Variants in FLT3 observed in about 807,000 individuals in gnomAD.
FLT3 encodes fms related receptor tyrosine kinase 3.
Under a neutral mutation model 126.6 loss-of-function variants are expected in FLT3, and 46 were observed. The ratio of observed to expected loss-of-function variants is 0.36; its 90% confidence interval spans 0.29 to 0.46. The LOEUF (loss-of-function observed/expected upper bound fraction) is 0.46. Ranked by LOEUF, FLT3 falls within the 20% of genes least tolerant of loss-of-function variation. The probability of loss-of-function intolerance (pLI) is 1.00; values close to 1 mark genes in which losing one functional copy is unlikely to be tolerated. For synonymous variants in FLT3, 404 were observed against 434.4 expected (o/e 0.93, Z 0.87); for missense variants, 1,069 against 1,190.3 (o/e 0.90, Z 1.50).
intron 3 of FLT3, among the ~76,000 whole-genome samples, 194 bp downstream of exon 3, chr13:28,061,673 G>C (rs1876577247): frequency 6.6e-6 from 1 of 151,884 alleles, no homozygotes; most frequent in Admixed American, 6.6e-5. Context: ...GGGAGGACTG[G>C]GGTGGGGGGA....
chr13:28,071,942 T>C (rs750360130), intron 1 of FLT3, among the ~76,000 whole-genome samples: 1 of 151,970 alleles, frequency 6.6e-6, no homozygotes, highest in African/African-American at 2.4e-5. Context: ...TCCCAAGTTG[T>C]TGGATGATAG....
At chr13:28,007,541 C>A (rs920661957) in intron 23 of FLT3, among the ~76,000 whole-genome samples, 2 of 152,184 alleles carry the variant, frequency 1.3e-5, no homozygotes, top group Non-Finnish European at 2.9e-5. Flanking sequence ...GCCACCACAC[C>A]CGACTTCTTT....
At chr13:28,010,274 G>A (rs1156766541) in intron 23 of FLT3, among the ~76,000 whole-genome samples, 1 of 152,118 alleles carries the variant, frequency 6.6e-6, no homozygotes, top group Non-Finnish European at 1.5e-5. Context: ...ACTACCCCAT[G>A]GGGTGTAAAG....
intron 9 of FLT3, 128 bp downstream of exon 9, chr13:28,048,147 T>A (rs114975182): frequency 2.8e-6 from 2 of 701,976 alleles, no homozygotes; most frequent in African/African-American, 3.6e-5. Context: ...TTATCTCCAA[T>A]TTCAACTCAA....
intron 23 of FLT3, among the ~76,000 whole-genome samples, chr13:28,010,607 T>C (rs17086213): frequency 0.27 from 40,388 of 152,146 alleles, 5,455 homozygotes; most frequent in Non-Finnish European, 0.28. Context: ...CCCATTGGTG[T>C]TGAGGTTAGA....
chr13:28,023,284 A>G, intron 19 of FLT3, 66 bp downstream of exon 19: 1 of 1,505,672 alleles, frequency 6.6e-7, no homozygotes, highest in Non-Finnish European at 9.0e-7. Context: ...ATAAACAAGA[A>G]AACATATATA....
chr13:28,081,408 T>C lies in FLT3; in HGVS notation c.44-10796A>G, dbSNP rs542772938. Among the ~76,000 whole-genome samples, 19 of 152,348 alleles carry C rather than the reference T, an allele frequency of 1.2e-4. No homozygotes were observed. The South Asian group carries it at 3.9e-3, about 32-fold the overall frequency. ...CTTCCCTTCAATTTCTGATTGTTAG[T>C]TGCTAGGACATAGAAAGATAATTAA... On this transcript the variant is annotated intron_variant, in intron 1 of 23. Coordinates refer to ENST00000241453, the MANE Select transcript of FLT3 (RefSeq NM_004119.3).
intron 1 of FLT3, among the ~76,000 whole-genome samples, chr13:28,085,458 C>T (rs1878617712): frequency 6.6e-6 from 1 of 151,828 alleles, no homozygotes; most frequent in African/African-American, 2.4e-5. Context: ...CTTGACAATG[C>T]TGTTCAAGTC....
intron 2 of FLT3, among the ~76,000 whole-genome samples, chr13:28,066,034 G>A (rs9554231): frequency 0.18 from 27,556 of 151,354 alleles, 2,609 homozygotes; most frequent in Middle Eastern, 0.24. Flanking sequence ...TGAAATGAGG[G>A]GGCTGGAAGA....
chr13:28,099,562 T>A (rs1179607362), intron 1 of FLT3, among the ~76,000 whole-genome samples: 1 of 152,106 alleles, frequency 6.6e-6, no homozygotes, highest in Non-Finnish European at 1.5e-5. Context: ...ACTGCACAGA[T>A]GAGGACGCGG....
intron 9 of FLT3, among the ~76,000 whole-genome samples, chr13:28,039,446 C>G (rs779444266): frequency 1.3e-5 from 2 of 151,870 alleles, no homozygotes; most frequent in Non-Finnish European, 2.9e-5. Flanking sequence ...AGTGATCCAC[C>G]CACCTCAGCC....
chr13:28,003,342 G>A lies in FLT3; in HGVS notation c.*710C>T. 1 of 233,270 alleles carries A rather than the reference G, an allele frequency of 4.3e-6. No homozygotes were observed. The highest frequency in any genetic ancestry group is 8.5e-6 in the Non-Finnish European group (1 of 118,060). 14.5% of individuals were successfully genotyped at this position (233,270 alleles called of 1,614,324 possible). The stretch of plus-strand genomic sequence containing the variant: ...GTTACTTCTGACTGGCCCTGAGTCT[G>A]GGAAGGCCGCCAAAGTGTCTAGGTG... On this transcript the variant is annotated 3_prime_UTR_variant, in exon 24 of 24. Transcript: ENST00000241453.
At chr13:28,050,781 C>G (rs1875371228) in intron 5 of FLT3, among the ~76,000 whole-genome samples, 1 of 151,706 alleles carries the variant, frequency 6.6e-6, no homozygotes, top group Admixed American at 6.6e-5. Flanking sequence ...AGAAAGCGAA[C>G]TTTTGTACCA....
At chr13:28,053,174 TCACACA>T (rs10549768) in intron 4 of FLT3, among the ~76,000 whole-genome samples, 1 of 149,148 alleles carries the variant, frequency 6.7e-6, no homozygotes, top group Non-Finnish European at 1.5e-5. Flanking sequence ...TCACCCTGGA[TCACACA>T]CACACACACA....
At chr13:28,064,246 A>C (rs530786316) in intron 2 of FLT3, among the ~76,000 whole-genome samples, 2 of 152,372 alleles carry the variant, frequency 1.3e-5, no homozygotes, top group South Asian at 4.1e-4. Context: ...ACTGGGAAAA[A>C]GAATTGAATA....
chr13:28,040,315 A>G (rs1252654285), intron 9 of FLT3, among the ~76,000 whole-genome samples: 1 of 151,198 alleles, frequency 6.6e-6, no homozygotes, highest in Non-Finnish European at 1.5e-5. Flanking sequence ...ATGGAGGAGA[A>G]TGGGAAAGGA....
intron 1 of FLT3, 126 bp from the exon 2 acceptor site, chr13:28,070,738 G>C: frequency 1.5e-6 from 1 of 684,036 alleles, no homozygotes; most frequent in Non-Finnish European, 2.4e-6. Flanking sequence ...ATGAAAGTAT[G>C]TAGGAAATTT....
In FLT3 at chr13:28,089,224, A is replaced by C. The variant is rs138588301; in HGVS notation, c.43+11244T>G. 2.1e-3 allele frequency among the ~76,000 whole-genome samples: 326 copies of C among 152,346 alleles called. 3 individuals are homozygous for C. Among genetic ancestry groups the C allele is most frequent in the African/African-American group, 7.4e-3 (308 of 41,590 alleles). On this transcript the variant is annotated intron_variant, in intron 1 of 23. Coordinates refer to ENST00000241453, the MANE Select transcript of FLT3 (RefSeq NM_004119.3). ...ATACCACATGCTGACGATGACCTTG[A>C]GCAAATGCAATTCTCACACATTGTT...
intron 2 of FLT3, chr13:28,068,404 C>A (rs1877218267): frequency 6.6e-6 from 1 of 152,264 alleles, no homozygotes; most frequent in African/African-American, 2.4e-5. Context: ...CAGTGAGTGG[C>A]TCATGCCTGT....
Sources: gnomAD v4.1 joint callset for allele counts (sites outside exome capture counted in the v4.1 genomes callset) on GRCh38, gnomAD v4.1.1 for gene constraint, MANE v1.5 for transcripts, NCBI Gene and HGNC (gene_info 2026-07-23, HGNC 2026-07-21) for gene names.